ALDH7A1: variants seen among roughly 807,000 people sequenced by gnomAD.
ALDH7A1 encodes the protein aldehyde dehydrogenase 7 family member A1, also known as alpha-aminoadipic semialdehyde dehydrogenase.
Under a neutral mutation model 79.9 loss-of-function variants are expected in ALDH7A1, and 63 were observed. The ratio of observed to expected loss-of-function variants is 0.79; its 90% CI spans 0.64 to 0.97. ALDH7A1 has a LOEUF of 0.97. Ranked by LOEUF, ALDH7A1 falls within the 50% of genes least tolerant of loss-of-function variation. The probability of loss-of-function intolerance (pLI) is 0.00; values close to 1 mark genes in which losing one functional copy is unlikely to be tolerated. For synonymous variants in ALDH7A1, 240 were observed against 231.2 expected (o/e 1.04, Z -0.34); for missense variants, 627 against 665.2 (o/e 0.94, Z 0.63).
At chr5:126,562,930 C>G (rs968914365) in intron 9 of ALDH7A1, among the ~76,000 whole-genome samples, 1 of 152,078 alleles carries the variant, frequency 6.6e-6, no homozygotes, top group African/African-American at 2.4e-5. Context: ...TGAAAGTAGT[C>G]CAAATCAATG....
At chr5:126,590,682 C>A (rs1043189612) in intron 3 of ALDH7A1, among the ~76,000 whole-genome samples, 1 of 151,848 alleles carries the variant, frequency 6.6e-6, no homozygotes, top group South Asian at 2.1e-4. Context: ...CTTAGGAGTT[C>A]GAGACCGCCC....
rs1423318206 is a variant in ALDH7A1, at chr5:126,549,814, AG to A, written c.1489+114del. 6.3e-6 allele frequency: 6 copies of A among 958,926 alleles called. No individual in the cohort carries two copies. In the East Asian group the frequency reaches 1.4e-4, roughly 23 times the overall value. 59.4% of individuals were successfully genotyped at this position (958,926 alleles called of 1,614,324 possible). A position where few individuals can be genotyped will look rare whatever the true frequency, so the allele number is the denominator to read the frequency against. ...TTTTTCAGATATGTTAGATCACATA[AG>A]GTTATTTCAGAATATAAGGAGTGTT... On this transcript the variant is annotated intron_variant, in intron 16 of 17. Coordinates refer to ENST00000409134, the MANE Select transcript of ALDH7A1 (RefSeq NM_001182.5).
At chr5:126,557,836 T>C (rs1750252841) in intron 11 of ALDH7A1, among the ~76,000 whole-genome samples, 1 of 151,968 alleles carries the variant, frequency 6.6e-6, no homozygotes, top group Non-Finnish European at 1.5e-5. Flanking sequence ...AATAATTTTT[T>C]TTAAATGGCA....
At chr5:126,561,023 T>G in intron 10 of ALDH7A1, 60 bp downstream of exon 10, 1 of 1,572,596 alleles carries the variant, frequency 6.4e-7, no homozygotes. Flanking sequence ...TTCCATATAT[T>G]CAGGATGGCG....
chr5:126,567,608 G>T (rs550212077), intron 9 of ALDH7A1, among the ~76,000 whole-genome samples: 1 of 150,902 alleles, frequency 6.6e-6, no homozygotes, highest in Non-Finnish European at 1.5e-5. Context: ...CCAGTAGCTG[G>T]GATTACAGGC....
At chr5:126,594,959 CTCG>C in intron 1 of ALDH7A1, 45 bp downstream of exon 1, 1 of 1,553,500 alleles carries the variant, frequency 6.4e-7, no homozygotes, top group Non-Finnish European at 8.7e-7. Flanking sequence ...GCCCGGCCTC[CTCG>C]AGCGAGCCCC....
intron 9 of ALDH7A1, among the ~76,000 whole-genome samples, chr5:126,567,293 G>A (rs1274089054): frequency 6.6e-6 from 1 of 152,168 alleles, no homozygotes; most frequent in Non-Finnish European, 1.5e-5. Flanking sequence ...CCTTTGTTCA[G>A]TGTACTGTCT....
chr5:126,556,601 C>T (rs997753395), intron 11 of ALDH7A1, among the ~76,000 whole-genome samples: 2 of 152,146 alleles, frequency 1.3e-5, no homozygotes, highest in African/African-American at 4.8e-5. Flanking sequence ...TTCACAAATA[C>T]ATTAAAGAAG....
At position 126,558,509 on chromosome 5, in the gene ALDH7A1, TAA is replaced by T. The variant is rs1750285066; in HGVS notation, c.1008+729_1008+730del. On this transcript the variant is annotated intron_variant, in intron 11 of 17. Coordinates refer to ENST00000409134, the MANE Select transcript of ALDH7A1 (RefSeq NM_001182.5). ...CTAATTCTAGACTTGAGGCTAAAAA[TAA>T]AAGTGTTTATTGATTGATTGGTTGA... Among the ~76,000 whole-genome samples, 3 of 152,182 alleles carry T rather than the reference TAA, an allele frequency of 2.0e-5. No homozygotes were observed. The South Asian group carries it at 6.2e-4, about 32-fold the overall frequency.
chr5:126,554,363 T>A lies in ALDH7A1; in HGVS notation c.1124A>T (p.Lys375Met), dbSNP rs1298566677. 6.2e-7 allele frequency: 1 copy of A among 1,614,026 alleles called. No individual in the cohort carries two copies. The highest frequency in any genetic ancestry group is 1.3e-5 in the African/African-American group (1 of 74,924). ...TCCAAGAAACATGCTCACTGCCTGC[T>A]TGGTGTGGAGTGGCCCATAGAGAAC... ...PNVLYGPLHT[K>M]QAVSMFLGAV... is the part of the protein sequence containing the mutation. Residue 375 changes from lysine (K) to methionine (M), a missense_variant, in exon 13 of 18, where the codon AAG becomes ATG. Physicochemically the swap from Lys to Met is moderately conservative, Grantham distance 95. Transcript: ENST00000409134.
chr5:126,584,270 T>G, intron 3 of ALDH7A1: 1 of 487,354 alleles, frequency 2.1e-6, no homozygotes, highest in Non-Finnish European at 3.7e-6. Flanking sequence ...AATTACAAAT[T>G]GCCATCAGGG....
At chr5:126,561,483 AGTGTGTGTGTGT>A (rs57059063) in intron 9 of ALDH7A1, 6 of 154,848 alleles carry the variant, frequency 3.9e-5, no homozygotes, top group South Asian at 3.9e-4. Flanking sequence ...GCACCCACAG[AGTGTGTGTGTGT>A]GTGTGTGTGT....
chr5:126,561,923 T>A (rs1750416793), intron 9 of ALDH7A1: 1 of 152,148 alleles, frequency 6.6e-6, no homozygotes, highest in African/African-American at 2.4e-5. Context: ...TGAGCCATGA[T>A]CACACCACTG....
chr5:126,549,674 C>T (rs1749921568), intron 16 of ALDH7A1: 2 of 412,296 alleles, frequency 4.9e-6, no homozygotes, highest in South Asian at 1.0e-4. Context: ...AAAACAAATG[C>T]CACCATTTCA....
intron 7 of ALDH7A1, among the ~76,000 whole-genome samples, chr5:126,574,721 A>ATAATAC (rs1205198010): frequency 1.3e-5 from 2 of 151,664 alleles, no homozygotes; most frequent in African/African-American, 4.9e-5. Flanking sequence ...AATAATAATA[A>ATAATAC]TATTCTAATA....
At chr5:126,576,957 G>T in intron 6 of ALDH7A1, 122 bp downstream of exon 6, 3 of 1,272,608 alleles carry the variant, frequency 2.4e-6, no homozygotes, top group African/African-American at 1.5e-5. Flanking sequence ...AAGTTTTATT[G>T]AAGAAGCCAG....
At chr5:126,550,128 AGTTT>A in intron 15 of ALDH7A1, 64 bp downstream of exon 15, 2 of 1,529,670 alleles carry the variant, frequency 1.3e-6, no homozygotes, top group Non-Finnish European at 1.8e-6. Context: ...AGACTACAGC[AGTTT>A]TTTTAAGTCC....
At chr5:126,545,359 C>T (rs1749751002) in intron 17 of ALDH7A1, among the ~76,000 whole-genome samples, 1 of 151,946 alleles carries the variant, frequency 6.6e-6, no homozygotes, top group South Asian at 2.1e-4. Context: ...ACTGCAACCT[C>T]CGCCTCCCAG....
Position 126,554,272 on chromosome 5 carries a change from C to G in ALDH7A1, c.1200+15G>C, listed in dbSNP as rs1204255411. The G allele has an allele frequency of 1.2e-6, 2 of 1,609,748 alleles. No individual in the cohort carries two copies. The highest frequency in any genetic ancestry group is 1.7e-6 in the Non-Finnish European group (2 of 1,176,702). On this transcript the variant is annotated intron_variant, in intron 13 of 17. Transcript: ENST00000409134. ...GTTAAAAAGCTGTCACAATTGATCT[C>G]AGAGCATCCCTTACCTTGCCCCCAT...
Sources: gnomAD v4.1 joint callset for allele counts (sites outside exome capture counted in the v4.1 genomes callset) on GRCh38, gnomAD v4.1.1 for gene constraint, MANE v1.5 for transcripts, NCBI Gene and HGNC (gene_info 2026-07-23, HGNC 2026-07-21) for gene names.